MYH10: variants seen among roughly 807,000 people sequenced by gnomAD.
MYH10 encodes the protein myosin-10.
In MYH10, 55 loss-of-function variants were observed where a neutral mutation model predicts 257.8. That is an observed-to-expected ratio of 0.21 (90% CI 0.17 to 0.27). The LOEUF is 0.27. Ranked by LOEUF, MYH10 falls within the 10% of genes least tolerant of loss-of-function variation. The pLI is 1.00. For missense variants in MYH10, 1,631 were observed against 2,500.6 expected (o/e 0.65, Z 7.42); for synonymous variants, 854 against 921.7 (o/e 0.93, Z 1.33).
Position 8,546,659 on chromosome 17 carries a change from G to C in MYH10, c.1163C>G (p.Ala388Gly). 1.2e-6 allele frequency: 2 copies of C among 1,612,554 alleles called. No homozygotes were observed. Among genetic ancestry groups the C allele is most frequent in the South Asian group, 1.1e-5 (1 of 90,898 alleles). Residue 388 changes from alanine to glycine, a missense_variant, in exon 12 of 43, where the codon GCG (alanine) becomes GGG (glycine). Ala to Gly is a moderately conservative substitution (Grantham distance 60). Transcript: ENST00000360416. The stretch of plus-strand genomic sequence containing the variant: ...CCCAAGAAGATGGCAGAGCTTCTGC[G>C]CAACTGAAGTGTAAAAAGTCTCCTA... ...DQASMPENTV[A>G]QKLCHLLGMN... is the part of the protein sequence containing the mutation.
intron 21 of MYH10, among the ~76,000 whole-genome samples, chr17:8,514,108 G>A (rs747833626): frequency 6.6e-6 from 1 of 152,120 alleles, no homozygotes; most frequent in Non-Finnish European, 1.5e-5. Flanking sequence ...CAGGCCCCTG[G>A]CACCAGTTCC....
chr17:8,515,796 G>A (rs1304530717), intron 21 of MYH10, among the ~76,000 whole-genome samples: 5 of 151,882 alleles, frequency 3.3e-5, no homozygotes, highest in African/African-American at 9.7e-5. Context: ...CCCCCGCCTC[G>A]GCCTCCACAA....
intron 1 of MYH10, among the ~76,000 whole-genome samples, chr17:8,626,877 G>T (rs2085704099): frequency 6.6e-6 from 1 of 152,042 alleles, no homozygotes; most frequent in South Asian, 2.1e-4. Context: ...TTTTACACTG[G>T]ACATGTAATT....
rs895578216 is a variant in MYH10, at chr17:8,535,028, C to A, written c.1894+359G>T. ...AGGACGGAGCTCAGCAGGCCTGACA[C>A]AGGGAAAATGGAATGAGCAGGCCTT... On this transcript the variant is annotated intron_variant, in intron 16 of 42. Transcript: ENST00000360416. This position sits in a 1 kb window ranked among gnomAD's most constrained non-coding sequence, Gnocchi z 4.3. Among the ~76,000 whole-genome samples the A allele has an allele frequency of 1.3e-5, 2 of 152,148 alleles. No homozygotes were observed. The highest frequency in any genetic ancestry group is 2.9e-5 in the Non-Finnish European group (2 of 68,030).
intron 9 of MYH10, among the ~76,000 whole-genome samples, chr17:8,549,921 C>T (rs568598383): frequency 3.1e-4 from 47 of 151,318 alleles, no homozygotes; most frequent in African/African-American, 8.5e-4. Context: ...AGCCCCTAAC[C>T]GCAAGTGATC....
chr17:8,610,444 A>T (rs934916502), intron 2 of MYH10, among the ~76,000 whole-genome samples: 7 of 151,460 alleles, frequency 4.6e-5, no homozygotes, highest in African/African-American at 1.7e-4. Context: ...AAAAAATAAA[A>T]AATAAATAAA....
At chr17:8,500,462 A>G (rs1363719822) in intron 29 of MYH10, among the ~76,000 whole-genome samples, 1 of 152,230 alleles carries the variant, frequency 6.6e-6, no homozygotes, top group Non-Finnish European at 1.5e-5. Flanking sequence ...GAAGGGGAAC[A>G]TCGGCAGGAC....
chr17:8,629,151 T>C (rs544703183), intron 1 of MYH10, among the ~76,000 whole-genome samples: 1 of 152,046 alleles, frequency 6.6e-6, no homozygotes, highest in Non-Finnish European at 1.5e-5. Flanking sequence ...ATAAATAGAT[T>C]ATAAAGTTTT....
In MYH10 at chr17:8,506,323, C is replaced by T. The variant is rs201869279; in HGVS notation, c.3381G>A (p.Leu1127=). ...AKKEEELQGA[L]ARGDDETLHK... is the part of the protein sequence containing the mutation. ...GCAGCTGCTGGGCTGCAGACCTGGCCAGTGCGCCCTGCAGCTCCTCCTCCT... is the reference window on the plus strand; with the variant it reads ...GCAGCTGCTGGGCTGCAGACCTGGCTAGTGCGCCCTGCAGCTCCTCCTCCT... Residue 1127 remains leucine (L), a synonymous_variant, in exon 27 of 43, where the codon CTG becomes CTA. Transcript: ENST00000360416. This position sits in a 1 kb window ranked among gnomAD's most constrained non-coding sequence, Gnocchi z 5.0. The T allele has an allele frequency of 7.8e-5, 124 of 1,595,624 alleles. No homozygotes were observed. The East Asian group carries it at 2.7e-3, about 35-fold the overall frequency.
At chr17:8,562,334 G>A (rs958839416) in intron 7 of MYH10, among the ~76,000 whole-genome samples, 1 of 152,270 alleles carries the variant, frequency 6.6e-6, no homozygotes, top group African/African-American at 2.4e-5. Context: ...AAGCAAAGGT[G>A]ACTTTTCTTT....
intron 17 of MYH10, 36 bp from the exon 18 acceptor site, chr17:8,521,321 A>C (rs1459036082): frequency 6.3e-7 from 1 of 1,594,472 alleles, no homozygotes; most frequent in Non-Finnish European, 8.6e-7. Context: ...ATATAAGCCA[A>C]ACCTCACTCG....
At chr17:8,524,304 G>A (rs1259507291) in intron 17 of MYH10, among the ~76,000 whole-genome samples, 2 of 151,948 alleles carry the variant, frequency 1.3e-5, no homozygotes, top group Non-Finnish European at 2.9e-5. Context: ...ACAAAAATTA[G>A]CTGGGCGTGG....
At chr17:8,553,827 G>T in intron 8 of MYH10, 128 bp downstream of exon 8, 1 of 712,210 alleles carries the variant, frequency 1.4e-6, no homozygotes, top group Non-Finnish European at 2.5e-6. Flanking sequence ...TTTGAACAAG[G>T]CATGCTATCT....
chr17:8,613,521 T>A (rs1313845180), intron 2 of MYH10, among the ~76,000 whole-genome samples: 6 of 152,172 alleles, frequency 3.9e-5, no homozygotes, highest in Non-Finnish European at 8.8e-5. Context: ...TCCACATGTC[T>A]AACAGGTCAA....
intron 7 of MYH10, among the ~76,000 whole-genome samples, chr17:8,559,953 C>G (rs16957421): frequency 0.013 from 1,928 of 152,294 alleles, 34 homozygotes; most frequent in African/African-American, 0.045. Context: ...TAAGGACACA[C>G]GGCCAACGTG....
intron 2 of MYH10, among the ~76,000 whole-genome samples, chr17:8,616,659 GA>G (rs2085273247): frequency 1.3e-5 from 2 of 151,760 alleles, no homozygotes; most frequent in South Asian, 4.2e-4. Flanking sequence ...GTTTACCCAG[GA>G]ATTAAAGATA....
intron 2 of MYH10, among the ~76,000 whole-genome samples, chr17:8,609,980 C>T (rs1018039649): frequency 6.6e-6 from 1 of 151,492 alleles, no homozygotes; most frequent in East Asian, 1.9e-4. Flanking sequence ...AGCTAACAAA[C>T]GCAGAAGGAA....
At chr17:8,529,822 C>T (rs1199606137) in intron 17 of MYH10, among the ~76,000 whole-genome samples, 1 of 152,178 alleles carries the variant, frequency 6.6e-6, no homozygotes, top group African/African-American at 2.4e-5. Flanking sequence ...AGTTTCGCTA[C>T]TTGCCAGTTT....
intron 27 of MYH10, among the ~76,000 whole-genome samples, chr17:8,505,567 T>C (rs2081049072): frequency 6.6e-6 from 1 of 152,244 alleles, no homozygotes; most frequent in African/African-American, 2.4e-5. Context: ...AATGAAACAT[T>C]AGACATATAT....
Sources: allele counts gnomAD v4.1 joint callset (sites outside exome capture counted in the v4.1 genomes callset), GRCh38; gene constraint gnomAD v4.1.1; non-coding constraint Gnocchi (gnomAD v3.1); transcripts MANE v1.5; gene names NCBI Gene and HGNC (gene_info 2026-07-23, HGNC 2026-07-21).